Variants in LINC00305 observed in about 807,000 individuals in gnomAD.
LINC00305 encodes the protein long intergenic non-protein coding RNA 305.
intron 1 of LINC00305, among the ~76,000 whole-genome samples, chr18:64,100,204 C>T (rs1404321086): frequency 2.0e-5 from 3 of 151,916 alleles, no homozygotes; most frequent in Non-Finnish European, 4.4e-5. Flanking sequence ...TTATAAAAAG[C>T]CTCGTGTAAC....
At chr18:64,091,324 C>T (rs1366257316) in intron 3 of LINC00305, among the ~76,000 whole-genome samples, 1 of 152,218 alleles carries the variant, frequency 6.6e-6, no homozygotes, top group Non-Finnish European at 1.5e-5. Flanking sequence ...GAGCTCTGTG[C>T]TCATGGAGCA....
intron 1 of LINC00305, among the ~76,000 whole-genome samples, chr18:64,142,664 C>T (rs1362998395): frequency 6.6e-6 from 1 of 152,116 alleles, no homozygotes; most frequent in Non-Finnish European, 1.5e-5. Context: ...GTGTCTTACA[C>T]CATGGCCACC....
At chr18:64,090,954 A>G (rs2144895348) in intron 3 of LINC00305, among the ~76,000 whole-genome samples, 1 of 152,206 alleles carries the variant, frequency 6.6e-6, no homozygotes, top group East Asian at 1.9e-4. Context: ...TCTTTAATTC[A>G]CCTCTTGATT....
At chr18:64,085,791 A>T (rs562754350) in intron 3 of LINC00305, among the ~76,000 whole-genome samples, 1 of 152,214 alleles carries the variant, frequency 6.6e-6, no homozygotes, top group Non-Finnish European at 1.5e-5. Flanking sequence ...CCCAGGCAGC[A>T]TGCAGGCTCA....
At chr18:64,133,831 C>T (rs769428901) in intron 1 of LINC00305, among the ~76,000 whole-genome samples, 7 of 152,162 alleles carry the variant, frequency 4.6e-5, no homozygotes, top group Non-Finnish European at 5.9e-5. Flanking sequence ...ATAACTTAAT[C>T]TTTCAAAATC....
intron 1 of LINC00305, among the ~76,000 whole-genome samples, chr18:64,145,783 A>G (rs576070036): frequency 6.6e-5 from 10 of 152,336 alleles, no homozygotes; most frequent in African/African-American, 2.2e-4. Flanking sequence ...CAGCATTGGA[A>G]GAAAATTAAT....
At chr18:64,103,826 C>T (rs980445000) in intron 1 of LINC00305, among the ~76,000 whole-genome samples, 8 of 152,114 alleles carry the variant, frequency 5.3e-5, no homozygotes, top group African/African-American at 1.9e-4. Context: ...TGCTTAGATA[C>T]TAGAGTCAGT....
intron 1 of LINC00305, among the ~76,000 whole-genome samples, chr18:64,143,447 A>G (rs1023700567): frequency 6.0e-5 from 9 of 150,394 alleles, no homozygotes; most frequent in African/African-American, 2.2e-4. Flanking sequence ...CATATTATAT[A>G]GTAGTAGATG....
intron 1 of LINC00305, among the ~76,000 whole-genome samples, chr18:64,128,587 G>A (rs2051395863): frequency 6.6e-6 from 1 of 151,980 alleles, no homozygotes; most frequent in Non-Finnish European, 1.5e-5. Context: ...GGAGTGCTGG[G>A]AGAAATTCTC....
chr18:64,132,515 C>A (rs540624666), intron 1 of LINC00305, among the ~76,000 whole-genome samples: 20 of 152,180 alleles, frequency 1.3e-4, no homozygotes, highest in African/African-American at 2.4e-4. Context: ...CCACTCCCCC[C>A]CCGAGTAACT....
At chr18:64,132,671 G>A (rs896408868) in intron 1 of LINC00305, among the ~76,000 whole-genome samples, 1 of 152,174 alleles carries the variant, frequency 6.6e-6, no homozygotes, top group South Asian at 2.1e-4. Flanking sequence ...TAGTGTATGA[G>A]TTTAGCCACA....
At chr18:64,147,314 A>G (rs2051502726) in intron 1 of LINC00305, 2 of 152,210 alleles carry the variant, frequency 1.3e-5, no homozygotes, top group Non-Finnish European at 2.9e-5. Flanking sequence ...TAGCCATCAA[A>G]CTAGCACTAT....
At chr18:64,138,307 T>C (rs2051444675) in intron 1 of LINC00305, among the ~76,000 whole-genome samples, 1 of 152,196 alleles carries the variant, frequency 6.6e-6, no homozygotes, top group Non-Finnish European at 1.5e-5. Flanking sequence ...TGTGCTGTAG[T>C]CTTTCTGTCT....
chr18:64,131,802 T>C (rs193134428), intron 1 of LINC00305, among the ~76,000 whole-genome samples: 4 of 152,248 alleles, frequency 2.6e-5, no homozygotes, highest in South Asian at 2.1e-4. Flanking sequence ...CTGTAGGTGG[T>C]TGAATTGTGG....
intron 2 of LINC00305, among the ~76,000 whole-genome samples, chr18:64,098,214 C>G (rs1337400929): frequency 1.3e-5 from 2 of 152,186 alleles, no homozygotes; most frequent in Non-Finnish European, 2.9e-5. Flanking sequence ...ACTAGTATTT[C>G]AGTTCCTAGT....
intron 3 of LINC00305, among the ~76,000 whole-genome samples, chr18:64,092,407 A>G (rs2051228141): frequency 6.6e-6 from 1 of 152,144 alleles, no homozygotes; most frequent in African/African-American, 2.4e-5. Context: ...CTAAAAATAC[A>G]AAAAATTAGC....
At chr18:64,128,122 C>T (rs187413942) in intron 1 of LINC00305, among the ~76,000 whole-genome samples, 18 of 152,124 alleles carry the variant, frequency 1.2e-4, no homozygotes, top group Admixed American at 1.2e-3. Flanking sequence ...ATAATGGTGT[C>T]TGTCTAATTG....
At chr18:64,137,970 T>C (rs2051443305) in intron 1 of LINC00305, among the ~76,000 whole-genome samples, 1 of 152,162 alleles carries the variant, frequency 6.6e-6, no homozygotes, top group African/African-American at 2.4e-5. Flanking sequence ...CTGATTTGGA[T>C]GAGAAATATT....
intron 1 of LINC00305, among the ~76,000 whole-genome samples, chr18:64,106,878 T>G (rs1428975137): frequency 6.6e-6 from 1 of 152,204 alleles, no homozygotes; most frequent in Admixed American, 6.5e-5. Flanking sequence ...GCATTGTTTA[T>G]GTACTCACAG....
Sources: gnomAD v4.1 joint callset for allele counts (sites outside exome capture counted in the v4.1 genomes callset) on GRCh38, gnomAD v4.1.1 for gene constraint, MANE v1.5 for transcripts, NCBI Gene and HGNC (gene_info 2026-07-23, HGNC 2026-07-21) for gene names.